TMEM164: variants seen among roughly 807,000 people sequenced by gnomAD.
TMEM164 encodes transmembrane protein 164.
In TMEM164, 4 loss-of-function variants were observed where a neutral mutation model predicts 18.8. The ratio of observed to expected loss-of-function variants is 0.21; its 90% CI spans 0.10 to 0.49. The LOEUF is 0.49. Ranked by LOEUF, TMEM164 falls within the 20% of genes least tolerant of loss-of-function variation. The pLI is 0.98. For missense variants in TMEM164, 108 were observed against 239.9 expected, an observed-to-expected ratio of 0.45 and a Z score of 3.63; for synonymous variants, 86 against 101.7, an observed-to-expected ratio of 0.85 and a Z score of 0.93.
At chrX:110,085,038 G>A (rs1261200580) in intron 3 of TMEM164, among the ~76,000 whole-genome samples, 2 of 110,557 alleles carry the variant, frequency 1.8e-5, no homozygotes, top group Non-Finnish European at 3.8e-5. Context: ...TATTGAGGAT[G>A]TAAACAGTTT....
chrX:110,118,624 A>G (rs2066405561), intron 4 of TMEM164, among the ~76,000 whole-genome samples: 1 of 111,312 alleles, frequency 9.0e-6, no homozygotes, highest in Non-Finnish European at 1.9e-5. Flanking sequence ...CTGGACACCA[A>G]ATTCCAAATG....
intron 5 of TMEM164, among the ~76,000 whole-genome samples, chrX:110,153,819 A>G (rs1033672550): frequency 9.0e-6 from 1 of 111,698 alleles, no homozygotes; most frequent in Admixed American, 9.5e-5. Flanking sequence ...AGTGTATTTT[A>G]TGCGTGGCCC....
intron 2 of TMEM164, among the ~76,000 whole-genome samples, chrX:110,008,098 A>G (rs1020710651): frequency 8.9e-6 from 1 of 112,247 alleles, no homozygotes; most frequent in Non-Finnish European, 1.9e-5. Flanking sequence ...ACAATATATT[A>G]GAAATCTAAC....
At chrX:110,091,450 G>T (rs867496092) in intron 3 of TMEM164, among the ~76,000 whole-genome samples, 1 of 112,178 alleles carries the variant, frequency 8.9e-6, no homozygotes, top group Admixed American at 9.4e-5. Context: ...GCATTTCTCT[G>T]ATGGCCAGGG....
At chrX:110,020,505 C>G in intron 2 of TMEM164, 2 of 754,143 alleles carry the variant, frequency 2.7e-6, no homozygotes, top group South Asian at 1.3e-4. Context: ...GAAAAGTATT[C>G]TGGGGAATGT....
chrX:110,020,267 G>A lies in TMEM164; in HGVS notation c.390+16103G>A, dbSNP rs750770120. ...CCTAATTTTTTAAAAATTAAGTCTA[G>A]TCCAATCCCTTTGTTTTCCAGATGA... On this transcript the variant is annotated intron_variant, in intron 2 of 6. Transcript: ENST00000372068. The A allele has an allele frequency of 1.7e-5, 9 of 519,137 alleles. No homozygotes were observed. In the South Asian group the frequency reaches 8.0e-4, roughly 46 times the overall value. The allele number at this position is 519,137 out of a possible 1,213,427, so 42.8% of individuals were successfully genotyped here. A position where few individuals can be genotyped will look rare whatever the true frequency, so the allele number is the denominator to read the frequency against.
chrX:110,176,445 C>G lies in TMEM164; in HGVS notation c.*2994C>G. On this transcript the variant is annotated 3_prime_UTR_variant, in exon 7 of 7. Transcript: ENST00000372068. ...CACAGACTCAGTCTCCCCAAGTCAG[C>G]AATCTCTTTCTCTCTCTCTCCTCAA... The G allele has an allele frequency of 1.3e-6, 1 of 752,277 alleles. No individual in the cohort carries two copies. The highest frequency in any genetic ancestry group is 1.6e-6 in the Non-Finnish European group (1 of 635,671). The allele number at this position is 752,277 out of a possible 1,213,427, so 62.0% of individuals were successfully genotyped here.
chrX:110,126,361 A>C (rs775161036), intron 4 of TMEM164, among the ~76,000 whole-genome samples: 39 of 112,498 alleles, frequency 3.5e-4, no homozygotes, highest in African/African-American at 1.1e-3. Context: ...CTCTGGACTC[A>C]CAGCATCTCC....
intron 2 of TMEM164, among the ~76,000 whole-genome samples, chrX:110,017,239 T>G (rs1363168861): frequency 8.9e-6 from 1 of 112,010 alleles, no homozygotes; most frequent in Non-Finnish European, 1.9e-5. Flanking sequence ...AATATCTCTC[T>G]ATAATACCAC....
At chrX:110,161,000 G>A (rs1229446641) in intron 5 of TMEM164, among the ~76,000 whole-genome samples, 1 of 112,371 alleles carries the variant, frequency 8.9e-6, no homozygotes, top group African/African-American at 3.2e-5. Context: ...GAGCCACCGT[G>A]CCTGCCTGAG....
chrX:110,050,636 A>G (rs1363306482), intron 2 of TMEM164, among the ~76,000 whole-genome samples: 2 of 111,839 alleles, frequency 1.8e-5, no homozygotes, highest in Non-Finnish European at 3.8e-5. Flanking sequence ...GTCAGAGCAC[A>G]TACGGAGGAA....
intron 5 of TMEM164, among the ~76,000 whole-genome samples, chrX:110,154,050 A>G (rs2066983082): frequency 1.8e-5 from 2 of 111,727 alleles, no homozygotes; most frequent in African/African-American, 3.3e-5. Flanking sequence ...CGGAACTTGC[A>G]GATATGGAGG....
intron 5 of TMEM164, among the ~76,000 whole-genome samples, chrX:110,160,997 C>T (rs774149083): frequency 3.6e-5 from 4 of 112,330 alleles, no homozygotes; most frequent in East Asian, 5.6e-4. Context: ...CGTGAGCCAC[C>T]GTGCCTGCCT....
chrX:110,068,787 C>A (rs1225526599), intron 3 of TMEM164, among the ~76,000 whole-genome samples: 2 of 111,208 alleles, frequency 1.8e-5, no homozygotes, highest in African/African-American at 6.5e-5. Context: ...ATTACCAAAA[C>A]AGTATGTATC....
chrX:110,037,698 A>G (rs764407004), intron 2 of TMEM164, among the ~76,000 whole-genome samples: 1 of 111,851 alleles, frequency 8.9e-6, no homozygotes, highest in African/African-American at 3.2e-5. Context: ...TTCAGAAACA[A>G]TCTGGGAGCC....
At chrX:110,132,477 CAG>C (rs1285432188) in intron 4 of TMEM164, among the ~76,000 whole-genome samples, 1 of 111,292 alleles carries the variant, frequency 9.0e-6, no homozygotes, top group Non-Finnish European at 1.9e-5. Context: ...CTCATATGCA[CAG>C]AGATATTTAT....
intron 4 of TMEM164, among the ~76,000 whole-genome samples, chrX:110,112,065 T>C (rs1460956891): frequency 9.0e-6 from 1 of 110,642 alleles, no homozygotes; most frequent in Non-Finnish European, 1.9e-5. Flanking sequence ...AAAAATCAGC[T>C]GAGCCTGGTG....
chrX:110,052,745 GTTTTTT>G (rs34292132), intron 2 of TMEM164, among the ~76,000 whole-genome samples: 1 of 68,817 alleles, frequency 1.5e-5, no homozygotes, highest in Non-Finnish European at 2.7e-5. Context: ...ACATGCATCT[GTTTTTT>G]TTTTTTTTTT....
chrX:110,122,429 G>A (rs2066464443), intron 4 of TMEM164, among the ~76,000 whole-genome samples: 1 of 87,387 alleles, frequency 1.1e-5, no homozygotes, highest in South Asian at 6.9e-4. Context: ...CTGTTGTGGG[G>A]TTGGGGGAGG....
Sources: allele counts gnomAD v4.1 joint callset (sites outside exome capture counted in the v4.1 genomes callset), GRCh38; gene constraint gnomAD v4.1.1; transcripts MANE v1.5; gene names NCBI Gene and HGNC (gene_info 2026-07-23, HGNC 2026-07-21).